LPAR1: variants seen among roughly 807,000 people sequenced by gnomAD.
LPAR1 encodes the protein lysophosphatidic acid receptor 1.
A neutral mutation model predicts 23.8 loss-of-function variants in LPAR1; 5 were observed. The ratio of observed to expected loss-of-function variants is 0.21; its 90% confidence interval spans 0.11 to 0.44. The LOEUF (loss-of-function observed/expected upper bound fraction) is 0.44. Among genes scored for constraint, LPAR1 ranks in the 20% least tolerant of loss-of-function variants. The pLI is 0.99. For synonymous variants in LPAR1, 160 were observed against 164.7 expected, an observed-to-expected ratio of 0.97 and a Z score of 0.22; for missense variants, 311 against 482.8, an observed-to-expected ratio of 0.64 and a Z score of 3.33.
intron 2 of LPAR1, among the ~76,000 whole-genome samples, chr9:110,985,129 C>T (rs1311443828): frequency 6.6e-6 from 1 of 152,052 alleles, no homozygotes. Flanking sequence ...TCATTTGCTT[C>T]ACATGCAGAT....
intron 5 of LPAR1, among the ~76,000 whole-genome samples, chr9:110,909,815 G>A (rs1254403387): frequency 3.3e-5 from 5 of 150,046 alleles, no homozygotes; most frequent in East Asian, 2.0e-4. Context: ...GTGTGATCTC[G>A]GCTCACTATG....
At chr9:110,929,407 G>A (rs2135568715) in intron 5 of LPAR1, among the ~76,000 whole-genome samples, 1 of 152,126 alleles carries the variant, frequency 6.6e-6, no homozygotes, top group African/African-American at 2.4e-5. Flanking sequence ...TTTTCAAAGA[G>A]CATGACAAAG....
At chr9:110,998,468 C>T (rs760658702) in intron 2 of LPAR1, among the ~76,000 whole-genome samples, 5 of 152,034 alleles carry the variant, frequency 3.3e-5, no homozygotes, top group African/African-American at 7.2e-5. Context: ...ACTGAAACAC[C>T]GTGGACCAGT....
At chr9:110,935,675 T>C (rs1242927362) in intron 5 of LPAR1, among the ~76,000 whole-genome samples, 3 of 152,152 alleles carry the variant, frequency 2.0e-5, no homozygotes, top group Non-Finnish European at 2.9e-5. Context: ...AGGGTGACCA[T>C]TCATCCTAGG....
intron 2 of LPAR1, among the ~76,000 whole-genome samples, chr9:111,001,936 C>G (rs530771260): frequency 2.6e-4 from 40 of 152,190 alleles, no homozygotes; most frequent in African/African-American, 9.6e-4. Context: ...ATATAAGATG[C>G]CAACTAATCA....
intron 4 of LPAR1, among the ~76,000 whole-genome samples, chr9:110,958,365 T>G (rs2095832710): frequency 6.6e-6 from 1 of 152,170 alleles, no homozygotes; most frequent in African/African-American, 2.4e-5. Context: ...AGCATGGTAT[T>G]GGTATAAAAA....
In LPAR1 at chr9:110,941,873, C is replaced by T. The variant is rs778252713; in HGVS notation, c.341G>A (p.Arg114Gln). The T allele has an allele frequency of 6.2e-6, 10 of 1,614,160 alleles. 1 individual carries two copies. The South Asian group carries it at 7.7e-5, about 12-fold the overall frequency. Reference sequence around the variant, plus strand: ...GAGCCATGTGCTAACAGTCAGTCTCCGAGTATTGGGTCCTGTGTTGAACAT... The same window carrying T: ...GAGCCATGTGCTAACAGTCAGTCTCTGAGTATTGGGTCCTGTGTTGAACAT... Reference protein sequence around the residue: ...YLMFNTGPNTRRLTVSTWLLR... With the variant: ...YLMFNTGPNTQRLTVSTWLLR... The change falls in exon 5 of 6, where the codon CGG becomes CAG. Residue 114 changes from arginine (R) to glutamine (Q), a missense_variant. Coordinates refer to ENST00000683809, the MANE Select transcript of LPAR1 (RefSeq NM_001351411.2). This position sits in a 1 kb window ranked among gnomAD's most constrained non-coding sequence, Gnocchi z 6.1.
intron 5 of LPAR1, among the ~76,000 whole-genome samples, chr9:110,931,699 T>C (rs900874741): frequency 1.3e-5 from 2 of 152,330 alleles, no homozygotes; most frequent in South Asian, 4.1e-4. Flanking sequence ...AATTTTTGTA[T>C]AAGGTGTAAG....
Position 110,942,035 on chromosome 9 carries a change from C to A in LPAR1, c.179G>T (p.Cys60Phe). ...TAGGTTGGCCAACATGATGAAGATA[C>A]AAACAGTGATTCCAAGTCCCATCAC... ...KLVMGLGITV[C>F]IFIMLANLLV... Residue 60 changes from cysteine (C) to phenylalanine (F), a missense_variant, in exon 5 of 6, where the codon TGT becomes TTT. Transcript: ENST00000683809. The A allele has an allele frequency of 6.2e-7, 1 of 1,614,194 alleles. No homozygotes were observed.
intron 5 of LPAR1, among the ~76,000 whole-genome samples, chr9:110,917,428 T>C (rs1449009561): frequency 6.6e-6 from 1 of 152,152 alleles, no homozygotes; most frequent in Non-Finnish European, 1.5e-5. Context: ...AGAAACACTA[T>C]GCTAAACCTG....
intron 5 of LPAR1, among the ~76,000 whole-genome samples, chr9:110,919,617 G>C (rs1206379027): frequency 6.6e-6 from 1 of 152,156 alleles, no homozygotes; most frequent in East Asian, 1.9e-4. Flanking sequence ...AAATGTAACG[G>C]AAACTTCAGA....
chr9:110,988,927 T>C (rs1442344324), intron 2 of LPAR1, among the ~76,000 whole-genome samples: 2 of 152,140 alleles, frequency 1.3e-5, no homozygotes, highest in Non-Finnish European at 2.9e-5. Flanking sequence ...TATGGTATTT[T>C]TAAACAATGG....
chr9:111,010,307 T>C (rs2097309105), intron 2 of LPAR1, among the ~76,000 whole-genome samples: 1 of 152,024 alleles, frequency 6.6e-6, no homozygotes, highest in Non-Finnish European at 1.5e-5. Flanking sequence ...CAGTGGCTGT[T>C]CCTGGTGTCC....
intron 2 of LPAR1, among the ~76,000 whole-genome samples, chr9:110,986,285 G>A (rs749917369): frequency 8.5e-5 from 13 of 152,144 alleles, no homozygotes; most frequent in African/African-American, 1.7e-4. Context: ...TTTTCAGTCC[G>A]TAGTTTTCAG....
chr9:111,005,438 C>T (rs2097197915), intron 2 of LPAR1, among the ~76,000 whole-genome samples: 1 of 148,706 alleles, frequency 6.7e-6, no homozygotes, highest in South Asian at 2.2e-4. Context: ...GTCCCAGCTA[C>T]TCGGGAGGCT....
intron 5 of LPAR1, among the ~76,000 whole-genome samples, chr9:110,939,624 AAAATGATTATTTC>A (rs2094953800): frequency 6.6e-6 from 1 of 152,220 alleles, no homozygotes; most frequent in Non-Finnish European, 1.5e-5. Context: ...CTATAGCCTC[AAAATGATTATTTC>A]AACCTGAAAA....
At chr9:110,922,412 G>A (rs2093692722) in intron 5 of LPAR1, among the ~76,000 whole-genome samples, 2 of 152,056 alleles carry the variant, frequency 1.3e-5, no homozygotes, top group South Asian at 2.1e-4. Context: ...AACTCAGTGT[G>A]GAACAGAAAA....
At position 110,941,782 on chromosome 9, in the gene LPAR1, G is replaced by A. The variant is rs765587328; in HGVS notation, c.432C>T (p.Ile144=). Residue 144 remains isoleucine, a synonymous_variant, in exon 5 of 6, where the codon ATC becomes ATT. Transcript: ENST00000683809. The surrounding 1 kb of genome is among the most constrained non-coding windows in gnomAD (Gnocchi z 6.1). ...ASVANLLAIA[I]ERHITVFRMQ... The stretch of plus-strand genomic sequence containing the variant: ...TGCGGAAAACCGTAATGTGCCTCTC[G>A]ATTGCAATAGCCAGTAAGTTGGCCA... 26 of 1,614,168 alleles carry A rather than the reference G, an allele frequency of 1.6e-5. No homozygotes were observed. Among genetic ancestry groups the A allele is most frequent in the African/African-American group, 4.0e-5 (3 of 75,054 alleles).
In LPAR1 at chr9:110,977,198, G is replaced by T. The variant is rs2096570962; in HGVS notation, c.-181-3640C>A. On this transcript the variant is annotated intron_variant, in intron 2 of 5. Transcript: ENST00000683809. ...AATGATACCCCTAGTTTAGAGCGATGGGGGCTGAGGGAACTAAGCCCAGGA... is the reference window on the plus strand; with the variant it reads ...AATGATACCCCTAGTTTAGAGCGATTGGGGCTGAGGGAACTAAGCCCAGGA... Among the ~76,000 whole-genome samples the T allele has an allele frequency of 2.0e-5, 3 of 152,168 alleles. No homozygotes were observed. In the South Asian group the frequency reaches 6.2e-4, roughly 32 times the overall value.
Sources: allele counts gnomAD v4.1 joint callset (sites outside exome capture counted in the v4.1 genomes callset), GRCh38; gene constraint gnomAD v4.1.1; non-coding constraint Gnocchi (gnomAD v3.1); transcripts MANE v1.5; gene names NCBI Gene and HGNC (gene_info 2026-07-23, HGNC 2026-07-21).